Variants in CAST observed in about 807,000 individuals in gnomAD.
CAST encodes the protein calpastatin.
Under a neutral mutation model 119.6 loss-of-function variants are expected in CAST, and 76 were observed. That is an observed-to-expected ratio of 0.64 (90% CI 0.53 to 0.77). CAST has a LOEUF of 0.77. CAST is among the 30% of genes least tolerant of loss of function. The probability of loss-of-function intolerance (pLI) is 0.00; values close to 1 mark genes in which losing one functional copy is unlikely to be tolerated. For synonymous variants in CAST, 319 were observed against 331.6 expected (o/e 0.96, Z 0.41); for missense variants, 953 against 946.5 (o/e 1.01, Z -0.09).
At chr5:96,598,622 A>G (rs1216027868) in intron 1 of CAST, among the ~76,000 whole-genome samples, 1 of 151,900 alleles carries the variant, frequency 6.6e-6, no homozygotes, top group African/African-American at 2.4e-5. Context: ...GAAAATAATC[A>G]CTGAGATAGT....
chr5:96,238,431 A>G, the CAST span, among the ~76,000 whole-genome samples: 2 of 148,908 alleles, frequency 1.3e-5, no homozygotes, highest in Non-Finnish European at 3.0e-5. Flanking sequence ...TCTGTTGCCC[A>G]GGCTGGAGTG....
At chr5:96,091,663 G>T in the CAST span, among the ~76,000 whole-genome samples, 9 of 151,900 alleles carry the variant, frequency 5.9e-5, no homozygotes, top group Admixed American at 1.3e-4. Flanking sequence ...GCACCATCAC[G>T]CCCAGCTAAT....
chr5:96,380,004 T>G, the CAST span, among the ~76,000 whole-genome samples: 3 of 152,154 alleles, frequency 2.0e-5, no homozygotes, highest in Admixed American at 6.5e-5. Context: ...TTAACCTGTA[T>G]CACATGAGCT....
the CAST span, among the ~76,000 whole-genome samples, chr5:96,306,098 G>A: frequency 6.6e-6 from 1 of 152,138 alleles, no homozygotes; most frequent in Non-Finnish European, 1.5e-5. Flanking sequence ...TGGTTGGTGG[G>A]CTATTAATTG....
At chr5:95,989,059 G>C in the CAST span, among the ~76,000 whole-genome samples, 1 of 152,142 alleles carries the variant, frequency 6.6e-6, no homozygotes, top group Non-Finnish European at 1.5e-5. Flanking sequence ...TACTGTACTT[G>C]TTTAGTTAAG....
chr5:95,961,672 A>G, the CAST span: 4 of 1,608,310 alleles, frequency 2.5e-6, no homozygotes, highest in Non-Finnish European at 3.4e-6. Context: ...TCCGCACGAC[A>G]GCCCATAGCG....
At chr5:96,309,416 G>A in the CAST span, among the ~76,000 whole-genome samples, 1 of 152,226 alleles carries the variant, frequency 6.6e-6, no homozygotes, top group Non-Finnish European at 1.5e-5. Context: ...TGCCAAGCCA[G>A]ACCACTTGGC....
the CAST span, among the ~76,000 whole-genome samples, chr5:96,085,997 C>A: frequency 5.9e-5 from 9 of 152,216 alleles, no homozygotes; most frequent in East Asian, 1.5e-3. Context: ...CAGGACCTCC[C>A]CTGAAAGATT....
At chr5:96,540,983 A>G (rs1745901844) in intron 1 of CAST, among the ~76,000 whole-genome samples, 1 of 152,242 alleles carries the variant, frequency 6.6e-6, no homozygotes, top group South Asian at 2.1e-4. Flanking sequence ...AGGTTTGTCC[A>G]CTATGAGGTT....
chr5:96,598,509 C>T (rs897684754), intron 1 of CAST, among the ~76,000 whole-genome samples: 3 of 152,170 alleles, frequency 2.0e-5, no homozygotes, highest in Admixed American at 2.0e-4. Context: ...GGCTCTACTT[C>T]TCTTATTTCT....
chr5:96,377,671 T>A, the CAST span, among the ~76,000 whole-genome samples: 1 of 152,124 alleles, frequency 6.6e-6, no homozygotes, highest in South Asian at 2.1e-4. Context: ...CCTAATGACA[T>A]ATTTCTTAGA....
the CAST span, among the ~76,000 whole-genome samples, chr5:96,461,466 T>C: frequency 2.6e-5 from 4 of 152,096 alleles, no homozygotes; most frequent in Admixed American, 2.6e-4. Flanking sequence ...CCATTTTTCA[T>C]TCGCATCAGG....
the CAST span, among the ~76,000 whole-genome samples, chr5:96,060,569 A>G: frequency 6.6e-6 from 1 of 152,106 alleles, no homozygotes; most frequent in African/African-American, 2.4e-5. Context: ...CAGTATATTC[A>G]ACACTTGGGA....
At chr5:96,602,286 T>C (rs778896413) in intron 1 of CAST, among the ~76,000 whole-genome samples, 3 of 152,228 alleles carry the variant, frequency 2.0e-5, no homozygotes, top group Non-Finnish European at 4.4e-5. Context: ...ACATTTCAAT[T>C]TAACATTTCA....
At chr5:96,446,581 C>T in the CAST span, among the ~76,000 whole-genome samples, 9 of 152,286 alleles carry the variant, frequency 5.9e-5, no homozygotes, top group East Asian at 1.7e-3. Flanking sequence ...GGAAAATAAG[C>T]AGTCGGTGCT....
At chr5:96,470,617 G>T in the CAST span, among the ~76,000 whole-genome samples, 7 of 151,982 alleles carry the variant, frequency 4.6e-5, no homozygotes, top group African/African-American at 1.7e-4. Context: ...TCCTTGGTAT[G>T]CTTAGTTAAT....
chr5:96,362,101 G>C, the CAST span, among the ~76,000 whole-genome samples: 6 of 151,982 alleles, frequency 3.9e-5, no homozygotes, highest in African/African-American at 1.5e-4. Flanking sequence ...TTCTGTCCTT[G>C]CGATAGTTTG....
chr5:96,497,309 C>T, the CAST span, among the ~76,000 whole-genome samples: 18 of 151,986 alleles, frequency 1.2e-4, no homozygotes, highest in African/African-American at 2.2e-4. Flanking sequence ...TGAATAGTGC[C>T]GCAATAAACA....
the CAST span, among the ~76,000 whole-genome samples, chr5:96,224,309 G>A: frequency 6.6e-6 from 1 of 152,184 alleles, no homozygotes; most frequent in Non-Finnish European, 1.5e-5. Context: ...TCTTTAGTAG[G>A]CTGTATAATG....
Sources: allele counts gnomAD v4.1 joint callset (sites outside exome capture counted in the v4.1 genomes callset), GRCh38; gene constraint gnomAD v4.1.1; transcripts MANE v1.5; gene names NCBI Gene and HGNC (gene_info 2026-07-23, HGNC 2026-07-21).